SF3B4: variants seen among roughly 807,000 people sequenced by gnomAD.
SF3B4 encodes the protein SAP 49.
SF3B4 carries 3 observed loss-of-function variants against 34.3 expected under a neutral mutation model. The observed-to-expected ratio is 0.09, with a 90% confidence interval of 0.04 to 0.23. The LOEUF (loss-of-function observed/expected upper bound fraction) is 0.23. Ranked by LOEUF, SF3B4 falls within the 10% of genes least tolerant of loss-of-function variation. SF3B4 has a pLI of 1.00. For missense variants in SF3B4, 283 were observed against 567.2 expected (o/e 0.50, Z 5.09); for synonymous variants, 216 against 207.8 (o/e 1.04, Z -0.34).
In SF3B4 at chr1:149,923,472, G is replaced by T. The variant is rs2092567728; in HGVS notation, c.*70C>A. 4 of 1,246,964 alleles carry T rather than the reference G, an allele frequency of 3.2e-6. No individual in the cohort carries two copies. The highest frequency in any genetic ancestry group is 2.6e-4 in the Middle Eastern group (1 of 3,844). The allele number at this position is 1,246,964 out of a possible 1,614,324, so 77.2% of individuals were successfully genotyped here. ...AGTACCTTTGCCCCAAGGAGCTACA[G>T]CATCTCTGATTGGTCCAAGGAATAG... On this transcript the variant is annotated 3_prime_UTR_variant, in exon 6 of 6. Transcript: ENST00000271628.
chr1:149,923,810 C>T lies in SF3B4; in HGVS notation c.1087+31G>A, dbSNP rs1553765635. ...GGAAGCTGTAAGAACATGATAAGTG[C>T]AGATGAGGGAGGTGGCTAGAGCCGA... is the stretch of plus-strand genomic sequence containing the variant. On this transcript the variant is annotated intron_variant, in intron 5 of 5. Coordinates refer to ENST00000271628, the MANE Select transcript of SF3B4 (RefSeq NM_005850.5). The T allele has an allele frequency of 1.9e-6, 3 of 1,559,770 alleles. No homozygotes were observed. The South Asian group carries it at 3.6e-5, about 19-fold the overall frequency.
Position 149,925,891 on chromosome 1 carries a change from A to G in SF3B4, c.858T>C (p.Pro286=), listed in dbSNP as rs2092586921. ...PSAGTPGAGH[P]GHGHSHPHPF... is the part of the protein sequence containing the mutation. ...GGTGAGGATGTGAGTGTCCATGACCAGGATGTCCTGCCCCTGGGGTTCCTG... is the reference window on the plus strand; with the variant it reads ...GGTGAGGATGTGAGTGTCCATGACCGGGATGTCCTGCCCCTGGGGTTCCTG... Residue 286 remains proline, a synonymous_variant, in exon 4 of 6, where the codon CCT becomes CCC. Coordinates refer to ENST00000271628, the MANE Select transcript of SF3B4 (RefSeq NM_005850.5). 3 of 1,606,896 alleles carry G rather than the reference A, an allele frequency of 1.9e-6. No homozygotes were observed. The highest frequency in any genetic ancestry group is 2.6e-6 in the Non-Finnish European group (3 of 1,175,456).
In SF3B4 at chr1:149,927,284, C is replaced by T. The variant is rs782472259; in HGVS notation, c.45G>A (p.Val15=). ...CCTTCTCATCCAGGCCCCCCACGTACACAGTGGCATCTTGAAGGGAGGGAG... is the reference window on the plus strand; with the variant it reads ...CCTTCTCATCCAGGCCCCCCACGTATACAGTGGCATCTTGAAGGGAGGGAG... ...PISERNQDAT[V]YVGGLDEKVS... Residue 15 remains valine, a synonymous_variant, in exon 2 of 6, where the codon GTG becomes GTA. Coordinates refer to ENST00000271628, the MANE Select transcript of SF3B4 (RefSeq NM_005850.5). The T allele has an allele frequency of 3.7e-6, 6 of 1,613,884 alleles. No individual in the cohort carries two copies. Among genetic ancestry groups the T allele is most frequent in the Non-Finnish European group, 5.1e-6 (6 of 1,180,008 alleles).
intron 1 of SF3B4, 80 bp downstream of exon 1, chr1:149,927,645 AC>A: frequency 1.3e-6 from 2 of 1,499,332 alleles, no homozygotes; most frequent in Non-Finnish European, 9.1e-7. Context: ...CCAGTCTCCC[AC>A]CCCTGCAGAG....
intron 5 of SF3B4, 33 bp downstream of exon 5, chr1:149,923,808 T>C: frequency 6.4e-7 from 1 of 1,559,102 alleles, no homozygotes; most frequent in South Asian, 1.2e-5. Flanking sequence ...ACATGATAAG[T>C]GCAGATGAGG....
At position 149,927,778 on chromosome 1, in the gene SF3B4, G is replaced by C. The variant is rs374298939; in HGVS notation, c.-19C>G. ...CAGCCATGGCGAAAGAGATCCCGCC[G>C]TCTCCCAGCAGCGGTTCCGCCTTCT... On this transcript the variant is annotated 5_prime_UTR_variant, in exon 1 of 6. Transcript: ENST00000271628. 2.0e-5 allele frequency: 31 copies of C among 1,551,896 alleles called. No individual in the cohort carries two copies. Among genetic ancestry groups the C allele is most frequent in the East Asian group, 1.7e-4 (7 of 40,954 alleles).
In SF3B4 at chr1:149,923,515, T is replaced by C. The variant is rs782361456; in HGVS notation, c.*27A>G. ...AGGAATAGAAAAGATATTGGGAAAA[T>C]GTAACAGGAGGAAGGAAAATGTGAA... On this transcript the variant is annotated 3_prime_UTR_variant, in exon 6 of 6. Transcript: ENST00000271628. The C allele has an allele frequency of 2.6e-6, 4 of 1,545,980 alleles. No individual in the cohort carries two copies. The East Asian group carries it at 9.8e-5, about 38-fold the overall frequency.
At chr1:149,924,090 C>A in intron 4 of SF3B4, 76 bp from the exon 5 acceptor site, 1 of 1,244,836 alleles carries the variant, frequency 8.0e-7, no homozygotes, top group African/African-American at 1.6e-5. Flanking sequence ...AGGAAGAAAA[C>A]AAAATTAGAA....
intron 4 of SF3B4, among the ~76,000 whole-genome samples, chr1:149,924,601 A>G (rs1571524178): frequency 6.6e-6 from 1 of 152,232 alleles, no homozygotes; most frequent in African/African-American, 2.4e-5. Context: ...GATGAAGTAT[A>G]TAACAAGTGG....
rs1212613908 is a variant in SF3B4 at position 149,926,994 on chromosome 1, A to C, written c.164-76T>G. ...ATGGGGTAAAATTCATCTACCCTCT[A>C]ATCACAAAGAACAAGAAAGAAACAA... On this transcript the variant is annotated intron_variant, in intron 2 of 5. Transcript: ENST00000271628. This position sits in a 1 kb window ranked among gnomAD's most constrained non-coding sequence, Gnocchi z 6.2. 4 of 1,461,420 alleles carry C rather than the reference A, an allele frequency of 2.7e-6. No homozygotes were observed. The highest frequency in any genetic ancestry group is 3.7e-6 in the Non-Finnish European group (4 of 1,082,960). 90.5% of individuals were successfully genotyped at this position (1,461,420 alleles called of 1,614,324 possible). A position where few individuals can be genotyped will look rare whatever the true frequency, so the allele number is the denominator to read the frequency against.
Position 149,923,565 on chromosome 1 carries a change from G to A in SF3B4, c.1252C>T (p.Leu418Phe), listed in dbSNP as rs1553765591. 6.4e-7 allele frequency: 1 copy of A among 1,568,478 alleles called. No homozygotes were observed. The highest frequency in any genetic ancestry group is 8.6e-7 in the Non-Finnish European group (1 of 1,165,942). Residue 418 changes from leucine (L) to phenylalanine (F), a missense_variant, in exon 6 of 6, where the codon CTT becomes TTT. Leu to Phe is a conservative substitution (Grantham distance 22). Around this residue, in one of 4 missense-constraint regions of SF3B4, gnomAD observed 208 missense variants for 292.6 expected, o/e 0.71. Transcript: ENST00000271628. Reference protein sequence around the residue: ...PRPPVPPRGPLRGPLPQ With the variant: ...PRPPVPPRGPFRGPLPQ ...ATTTACTGAGGGAGAGGGCCTCGAA[G>A]TGGGCCTCGAGGGGGAACTGGTGGC...
At chr1:149,927,026 TTTAC>T in intron 2 of SF3B4, 108 bp from the exon 3 acceptor site, 1 of 1,456,682 alleles carries the variant, frequency 6.9e-7, no homozygotes, top group Non-Finnish European at 9.2e-7. Context: ...ACAACATCAC[TTTAC>T]TTAAGAATGG....
chr1:149,927,108 C>T (rs587597218), intron 2 of SF3B4, 58 bp downstream of exon 2: 3 of 1,589,932 alleles, frequency 1.9e-6, no homozygotes, highest in African/African-American at 1.3e-5. Context: ...TATTCCAAAA[C>T]AGTTGTGAAT....
chr1:149,924,106 G>C, intron 4 of SF3B4, 92 bp from the exon 5 acceptor site: 2 of 1,100,846 alleles, frequency 1.8e-6, no homozygotes, highest in Non-Finnish European at 2.6e-6. Context: ...TAGAAAGAAA[G>C]TGACATCAGA....
chr1:149,923,669 T>A lies in SF3B4; in HGVS notation c.1148A>T (p.His383Leu), dbSNP rs1319127354. ...MRGPPPLMPP[H>L]GYTGPPRPPP... is the part of the protein sequence containing the mutation. ...GGGTCGTGGAGGGCCAGTGTATCCA[T>A]GGGGGGGCATCAGTGGAGGAGGTCC... is the stretch of plus-strand genomic sequence containing the variant. The change falls in exon 6 of 6, where the codon CAT (histidine) becomes CTT (leucine). Residue 383 changes from histidine to leucine, a missense_variant. By Grantham distance (99) the His-to-Leu change is moderately conservative (BLOSUM62 -3). This residue lies in a region of SF3B4 where 208 missense variants were observed against 292.6 expected (regional missense o/e 0.71). Transcript: ENST00000271628. 23 of 1,526,064 alleles carry A rather than the reference T, an allele frequency of 1.5e-5. No individual in the cohort carries two copies. Among genetic ancestry groups the A allele is most frequent in the Non-Finnish European group, 2.0e-5 (23 of 1,148,302 alleles). 94.5% of individuals were successfully genotyped at this position (1,526,064 alleles called of 1,614,324 possible). A position where few individuals can be genotyped will look rare whatever the true frequency, so the allele number is the denominator to read the frequency against.
Position 149,923,917 on chromosome 1 carries a change from T to C in SF3B4, c.1011A>G (p.Pro337=). ...PGSGGQPPPR[P]PPGMPHPGPP... ...GTCCAGGATGAGGCATTCCAGGTGG[T>C]GGTCGGGGCGGTGGCTGGCCCCCAG... Residue 337 remains proline, a synonymous_variant, in exon 5 of 6, where the codon CCA becomes CCG. Transcript: ENST00000271628. 1.2e-6 allele frequency: 2 copies of C among 1,601,836 alleles called. No individual in the cohort carries two copies. The highest frequency in any genetic ancestry group is 1.7e-6 in the Non-Finnish European group (2 of 1,176,278).
In SF3B4 at chr1:149,926,623, A is replaced by G; in HGVS notation, c.459T>C (p.Asp153=). ...GYAFINFASF[D]ASDAAIEAMN... ...TGGCTTCAATTGCTGCATCCGAAGC[A>G]TCAAATGAAGCAAAATTAATAAAGG... Residue 153 remains aspartate, a synonymous_variant, in exon 3 of 6, where the codon GAT becomes GAC. Transcript: ENST00000271628. This position sits in a 1 kb window ranked among gnomAD's most constrained non-coding sequence, Gnocchi z 6.2. 6.2e-7 allele frequency: 1 copy of G among 1,614,250 alleles called. No individual in the cohort carries two copies. Among genetic ancestry groups the G allele is most frequent in the Non-Finnish European group, 8.5e-7 (1 of 1,180,052 alleles).
chr1:149,925,671 G>C (rs1467389821), intron 4 of SF3B4, 165 bp downstream of exon 4: 1 of 711,508 alleles, frequency 1.4e-6, no homozygotes, highest in Non-Finnish European at 2.6e-6. Context: ...ATGGATTCAG[G>C]GTGGTAGATG....
chr1:149,927,460 G>C (rs1237960540), intron 1 of SF3B4, 166 bp from the exon 2 acceptor site: 2 of 817,796 alleles, frequency 2.4e-6, no homozygotes, highest in African/African-American at 3.4e-5. Context: ...CCAGGACTTC[G>C]GGAATCCTCT....
Sources: gnomAD v4.1 joint callset for allele counts (sites outside exome capture counted in the v4.1 genomes callset) on GRCh38, gnomAD v4.1.1 for gene constraint, gnomAD v4.1.1 regional missense constraint, Gnocchi (gnomAD v3.1) non-coding constraint, MANE v1.5 for transcripts, NCBI Gene and HGNC (gene_info 2026-07-23, HGNC 2026-07-21) for gene names.